ASTN2: variants seen among roughly 807,000 people sequenced by gnomAD.
The protein encoded by ASTN2 is astrotactin 2.
A neutral mutation model predicts 139.8 loss-of-function variants in ASTN2; 54 were observed. That is an observed-to-expected ratio of 0.39 (90% CI 0.31 to 0.48). ASTN2 has a LOEUF of 0.48. Ranked by LOEUF, ASTN2 falls within the 20% of genes least tolerant of loss-of-function variation. ASTN2 has a pLI of 0.95. For missense variants in ASTN2, 1,565 were observed against 1,725.1 expected, an observed-to-expected ratio of 0.91 and a Z score of 1.64; for synonymous variants, 756 against 719.5, an observed-to-expected ratio of 1.05 and a Z score of -0.81.
rs1367412310 is a variant in ASTN2, at chr9:117,357,599, G to GAATTAAAGTCACCTTTAGTGTT, written c.442+56876_442+56897dup. 4.6e-5 allele frequency among the ~76,000 whole-genome samples: 7 copies of GAATTAAAGTCACCTTTAGTGTT among 152,002 alleles called. No homozygotes were observed. The East Asian group carries it at 1.2e-3, about 25-fold the overall frequency. ...TTAGCCAGGCCAAGCAGAGAAGGTG[G>GAATTAAAGTCACCTTTAGTGTT]AATTAAAGTCACCTTTAGTGTTATC... On this transcript the variant is annotated intron_variant, in intron 1 of 22. Coordinates refer to ENST00000313400, the MANE Select transcript of ASTN2 (RefSeq NM_001365068.1).
chr9:117,185,041 TGGG>T (rs1831163249), intron 3 of ASTN2, among the ~76,000 whole-genome samples: 1 of 152,150 alleles, frequency 6.6e-6, no homozygotes, highest in Non-Finnish European at 1.5e-5. Flanking sequence ...AGGCACTGTA[TGGG>T]CACACGATTC....
chr9:116,587,690 A>G (rs1239182440), intron 19 of ASTN2, among the ~76,000 whole-genome samples: 1 of 152,190 alleles, frequency 6.6e-6, no homozygotes, highest in Non-Finnish European at 1.5e-5. Context: ...TACTAGTTAT[A>G]TGTCCTTGGT....
intron 3 of ASTN2, among the ~76,000 whole-genome samples, chr9:117,207,340 C>T (rs921878992): frequency 2.0e-5 from 3 of 152,190 alleles, no homozygotes; most frequent in African/African-American, 7.2e-5. Context: ...GCCTGACAAA[C>T]AGCCCTGTAC....
intron 10 of ASTN2, among the ~76,000 whole-genome samples, chr9:116,923,944 T>C (rs1400250207): frequency 6.6e-6 from 1 of 152,172 alleles, no homozygotes; most frequent in African/African-American, 2.4e-5. Context: ...CCATGTGCTG[T>C]GGAGCAGGGC....
intron 19 of ASTN2, among the ~76,000 whole-genome samples, chr9:116,497,736 G>A (rs1849713379): frequency 6.6e-6 from 1 of 152,054 alleles, no homozygotes. Context: ...AAGGGGGAGG[G>A]ATGAAGGAAG....
At chr9:116,499,311 T>C (rs918473805) in intron 19 of ASTN2, among the ~76,000 whole-genome samples, 5 of 144,622 alleles carry the variant, frequency 3.5e-5, no homozygotes, top group South Asian at 2.1e-4. Context: ...TAAAGGTCGA[T>C]TGAATGAATC....
At chr9:116,796,380 G>T (rs370730914) in intron 13 of ASTN2, among the ~76,000 whole-genome samples, 1 of 152,126 alleles carries the variant, frequency 6.6e-6, no homozygotes, top group Non-Finnish European at 1.5e-5. Flanking sequence ...TGGGAAAAAT[G>T]GTGGGTCTTG....
intron 1 of ASTN2, among the ~76,000 whole-genome samples, chr9:117,325,712 C>T (rs1190012081): frequency 1.3e-5 from 2 of 152,158 alleles, no homozygotes; most frequent in Non-Finnish European, 2.9e-5. Context: ...CCCTCACGCC[C>T]TCCCAGACAA....
At position 116,425,903 on chromosome 9, in the gene ASTN2, T is replaced by C; in HGVS notation, c.3968A>G (p.Glu1323Gly). The C allele has an allele frequency of 6.2e-7, 1 of 1,614,124 alleles. No individual in the cohort carries two copies. Reference protein sequence around the residue: ...ILKDTKITCEEKMVSMARNTY... With the variant: ...ILKDTKITCEGKMVSMARNTY... ...GTTTCGGGCCATTGACACCATCTTCTCCTCACACGTGATTTTGGTGTCCTT... is the reference window on the plus strand; with the variant it reads ...GTTTCGGGCCATTGACACCATCTTCCCCTCACACGTGATTTTGGTGTCCTT... The change falls in exon 23 of 23, where the codon GAG becomes GGG. Residue 1323 changes from glutamate (E) to glycine (G), a missense_variant. Glu to Gly is a moderately conservative substitution (Grantham distance 98). This residue lies in a region of ASTN2 where 418 missense variants were observed against 465.8 expected (regional missense o/e 0.90). Transcript: ENST00000313400.
intron 10 of ASTN2, among the ~76,000 whole-genome samples, chr9:116,945,910 C>A (rs1471016054): frequency 6.6e-6 from 1 of 152,162 alleles, no homozygotes; most frequent in Non-Finnish European, 1.5e-5. Flanking sequence ...CACTGTTCCA[C>A]AGAATTAACA....
rs1311121869 is a variant in ASTN2, at chr9:116,632,249, G to GA, written c.3073-11807dup. On this transcript the variant is annotated intron_variant, in intron 17 of 22. Transcript: ENST00000313400. ...AGAAAGAAAGAAAGAAAGAAAGAAA[G>GA]AAGGAAAGAAAGAAAGAAAGAAAGA... Among the ~76,000 whole-genome samples the GA allele has an allele frequency of 2.3e-3, 297 of 128,780 alleles. 8 individuals are homozygous for GA. Among genetic ancestry groups the GA allele is most frequent in the East Asian group, 0.011 (46 of 4,038 alleles). 84.5% of individuals were successfully genotyped at this position (128,780 alleles called of 152,430 possible). A position where few individuals can be genotyped will look rare whatever the true frequency, so the allele number is the denominator to read the frequency against.
intron 2 of ASTN2, among the ~76,000 whole-genome samples, chr9:117,282,250 G>A (rs1834343379): frequency 6.6e-6 from 1 of 152,150 alleles, no homozygotes; most frequent in Admixed American, 6.5e-5. Context: ...AACATGGGTT[G>A]GATGTTTCTG....
chr9:116,531,921 G>T (rs1319582363), intron 19 of ASTN2, among the ~76,000 whole-genome samples: 1 of 152,148 alleles, frequency 6.6e-6, no homozygotes, highest in Non-Finnish European at 1.5e-5. Flanking sequence ...TCTAGTTCTA[G>T]ATCCTTGAGG....
At chr9:116,592,401 C>A (rs964815898) in intron 19 of ASTN2, among the ~76,000 whole-genome samples, 1 of 151,952 alleles carries the variant, frequency 6.6e-6, no homozygotes, top group African/African-American at 2.4e-5. Context: ...TTTTAAACAG[C>A]CAGATCTCAG....
At chr9:117,037,256 G>A (rs1454548954) in intron 6 of ASTN2, among the ~76,000 whole-genome samples, 1 of 151,692 alleles carries the variant, frequency 6.6e-6, no homozygotes, top group Non-Finnish European at 1.5e-5. Flanking sequence ...CCGAGAAAGG[G>A]CACCTTTTAA....
intron 6 of ASTN2, among the ~76,000 whole-genome samples, chr9:117,021,487 A>G (rs1273253167): frequency 6.6e-6 from 1 of 152,140 alleles, no homozygotes; most frequent in Non-Finnish European, 1.5e-5. Context: ...GACCCTATAA[A>G]AGATCAAACA....
At chr9:117,167,622 A>G (rs562422738) in intron 3 of ASTN2, among the ~76,000 whole-genome samples, 1 of 152,246 alleles carries the variant, frequency 6.6e-6, no homozygotes, top group South Asian at 2.1e-4. Flanking sequence ...AATGTGATGG[A>G]CAAAACCAAC....
intron 20 of ASTN2, among the ~76,000 whole-genome samples, chr9:116,464,025 G>A (rs1848576263): frequency 6.7e-6 from 1 of 149,870 alleles, no homozygotes; most frequent in African/African-American, 2.5e-5. Context: ...TGAGATTAAA[G>A]GTGCCAGCCA....
rs1835026072 is a variant in ASTN2 at position 117,307,308 on chromosome 9, T to C, written c.443-15795A>G. On this transcript the variant is annotated intron_variant, in intron 1 of 22. Transcript: ENST00000313400. The stretch of plus-strand genomic sequence containing the variant: ...TGCATGTCTGCACAGACTGATGTGT[T>C]CATGTATGAATACAGACAATAATGC... Among the ~76,000 whole-genome samples, 7 of 152,322 alleles carry C rather than the reference T, an allele frequency of 4.6e-5. No homozygotes were observed. The South Asian group carries it at 1.5e-3, about 32-fold the overall frequency.
Sources: allele counts gnomAD v4.1 joint callset (sites outside exome capture counted in the v4.1 genomes callset), GRCh38; gene constraint gnomAD v4.1.1; regional missense constraint gnomAD v4.1.1; transcripts MANE v1.5; gene names NCBI Gene and HGNC (gene_info 2026-07-23, HGNC 2026-07-21).